AGK: variants seen among roughly 807,000 people sequenced by gnomAD.
The protein encoded by AGK is acylglycerol kinase.
A neutral mutation model predicts 66.4 loss-of-function variants in AGK; 52 were observed. That is an observed-to-expected ratio of 0.78 (90% CI 0.63 to 0.99). The LOEUF (loss-of-function observed/expected upper bound fraction) is 0.99. Ranked by LOEUF, AGK falls within the 50% of genes least tolerant of loss-of-function variation. The pLI is 0.00. For synonymous variants in AGK, 182 were observed against 181.1 expected, an observed-to-expected ratio of 1.00 and a Z score of -0.04; for missense variants, 451 against 506.6, an observed-to-expected ratio of 0.89 and a Z score of 1.05.
At chr7:141,608,766 A>G (rs961210291) in intron 5 of AGK, among the ~76,000 whole-genome samples, 2 of 152,168 alleles carry the variant, frequency 1.3e-5, no homozygotes, top group African/African-American at 4.8e-5. Flanking sequence ...ACATGTCTTC[A>G]CCTTGTCCAC....
intron 13 of AGK, among the ~76,000 whole-genome samples, chr7:141,647,883 C>A (rs1425337160): frequency 3.3e-5 from 5 of 152,162 alleles, no homozygotes; most frequent in Admixed American, 6.5e-5. Flanking sequence ...GTTGGCCGGG[C>A]TGGTCTCGAA....
chr7:141,611,135 A>C, intron 5 of AGK, 60 bp from the exon 6 acceptor site: 1 of 1,093,910 alleles, frequency 9.1e-7, no homozygotes, highest in South Asian at 1.5e-5. Flanking sequence ...CACATTTTTA[A>C]ACCTTTAACC....
intron 5 of AGK, among the ~76,000 whole-genome samples, chr7:141,603,554 A>G (rs1005887057): frequency 6.6e-6 from 1 of 152,208 alleles, no homozygotes; most frequent in Admixed American, 6.5e-5. Flanking sequence ...TAAAAGCATG[A>G]AAGCAGGATA....
intron 2 of AGK, among the ~76,000 whole-genome samples, chr7:141,557,849 G>GA (rs1194168004): frequency 1.3e-5 from 2 of 152,112 alleles, no homozygotes; most frequent in African/African-American, 4.8e-5. Context: ...AAATTGTGGT[G>GA]AAAAAACACA....
At chr7:141,639,920 A>G (rs1797251926) in intron 11 of AGK, among the ~76,000 whole-genome samples, 11 of 152,204 alleles carry the variant, frequency 7.2e-5, no homozygotes, top group Admixed American at 7.2e-4. Flanking sequence ...TTGTAGAAGA[A>G]TAAAGACACA....
At chr7:141,647,450 A>G (rs916287057) in intron 13 of AGK, among the ~76,000 whole-genome samples, 3 of 152,090 alleles carry the variant, frequency 2.0e-5, no homozygotes, top group African/African-American at 7.2e-5. Context: ...CCCTGCTGTC[A>G]GACATGTTCC....
At position 141,654,784 on chromosome 7, in the gene AGK, A is replaced by G. The variant is rs1255513122; in HGVS notation, c.*1860A>G. 1 of 152,216 alleles carries G rather than the reference A, an allele frequency of 6.6e-6. No individual in the cohort carries two copies. The highest frequency in any genetic ancestry group is 2.4e-5 in the African/African-American group (1 of 41,442). 9.4% of individuals were successfully genotyped at this position (152,216 alleles called of 1,614,324 possible). A position where few individuals can be genotyped will look rare whatever the true frequency, so the allele number is the denominator to read the frequency against. On this transcript the variant is annotated 3_prime_UTR_variant, in exon 16 of 16. Transcript: ENST00000649286. ...AGATCCCTTTTAAGATACATACACC[A>G]TGCCCACACATCCCATGGAGAGAGA...
chr7:141,642,021 G>C (rs1271411739), intron 13 of AGK, 113 bp downstream of exon 13: 8 of 946,866 alleles, frequency 8.4e-6, no homozygotes, highest in Non-Finnish European at 1.3e-5. Flanking sequence ...GAGATAGAGA[G>C]GGCAGTGTCA....
chr7:141,608,310 G>A (rs1202879478), intron 5 of AGK, among the ~76,000 whole-genome samples: 1 of 152,174 alleles, frequency 6.6e-6, no homozygotes, highest in Non-Finnish European at 1.5e-5. Flanking sequence ...AGGAAGGTGG[G>A]TCTGACAAGA....
At chr7:141,607,965 T>C (rs1796499801) in intron 5 of AGK, among the ~76,000 whole-genome samples, 1 of 152,150 alleles carries the variant, frequency 6.6e-6, no homozygotes. Context: ...TCTGTCAAGA[T>C]CTTTTAAAAT....
chr7:141,580,176 G>A (rs984102383), intron 2 of AGK, among the ~76,000 whole-genome samples: 1 of 152,000 alleles, frequency 6.6e-6, no homozygotes, highest in South Asian at 2.1e-4. Context: ...GGCATATTTA[G>A]AGTCAGTATA....
rs147097420 is a variant in AGK, at chr7:141,592,613, A to G, written c.102-533A>G. 1.4e-3 allele frequency among the ~76,000 whole-genome samples: 207 copies of G among 152,314 alleles called. 2 individuals are homozygous for G. Among genetic ancestry groups the G allele is most frequent in the African/African-American group, 4.8e-3 (199 of 41,574 alleles). Reference sequence around the variant, plus strand: ...GGGGGGATGTGGCATTATTCTGGTTACCATAATATGGAAATATTTAACACA... The same window carrying G: ...GGGGGGATGTGGCATTATTCTGGTTGCCATAATATGGAAATATTTAACACA... On this transcript the variant is annotated intron_variant, in intron 2 of 15. Coordinates refer to ENST00000649286, the MANE Select transcript of AGK (RefSeq NM_018238.4).
chr7:141,604,374 G>GTATATATATATATATATATA (rs368893843), intron 5 of AGK, among the ~76,000 whole-genome samples: 10 of 113,798 alleles, frequency 8.8e-5, no homozygotes, highest in Non-Finnish European at 1.2e-4. Flanking sequence ...GTGTGTGTGT[G>GTATATATATATATATATATA]TATATATATA....
intron 2 of AGK, among the ~76,000 whole-genome samples, chr7:141,583,383 G>C (rs955596752): frequency 6.9e-6 from 1 of 144,940 alleles, no homozygotes; most frequent in African/African-American, 2.6e-5. Flanking sequence ...CCCCAGGAAA[G>C]TGGAGAGGAG....
intron 9 of AGK, 125 bp downstream of exon 9, chr7:141,621,926 C>T: frequency 1.5e-6 from 1 of 655,958 alleles, no homozygotes; most frequent in East Asian, 2.8e-5. Context: ...TCCATTCCTA[C>T]CCCAAGTATT....
chr7:141,602,950 G>C (rs1333226585), intron 5 of AGK, among the ~76,000 whole-genome samples: 1 of 151,894 alleles, frequency 6.6e-6, no homozygotes, highest in South Asian at 2.1e-4. Context: ...TTTTCTGATT[G>C]TCTTTGTTAA....
At chr7:141,560,971 T>C in intron 2 of AGK, among the ~76,000 whole-genome samples, 1 of 152,104 alleles carries the variant, frequency 6.6e-6, no homozygotes, top group East Asian at 1.9e-4. Flanking sequence ...TTTTTTGTAT[T>C]TTTAGTAGAG....
intron 2 of AGK, among the ~76,000 whole-genome samples, chr7:141,592,062 A>G (rs993003369): frequency 6.6e-6 from 1 of 152,238 alleles, no homozygotes; most frequent in Non-Finnish European, 1.5e-5. Context: ...CTTAATATCA[A>G]ATTTACTTGT....
intron 14 of AGK, chr7:141,650,552 C>T (rs1480955956): frequency 6.1e-6 from 6 of 985,114 alleles, no homozygotes; most frequent in Admixed American, 6.2e-5. Context: ...ACTCTGATAC[C>T]GTTTTGTAGA....
Sources: gnomAD v4.1 joint callset for allele counts (sites outside exome capture counted in the v4.1 genomes callset) on GRCh38, gnomAD v4.1.1 for gene constraint, MANE v1.5 for transcripts, NCBI Gene and HGNC (gene_info 2026-07-23, HGNC 2026-07-21) for gene names.